The following TENM2 variants were observed in gnomAD, a reference collection of about 807,000 sequenced individuals.
The protein encoded by TENM2 is teneurin transmembrane protein 2.
In TENM2, 52 loss-of-function variants were observed where a neutral mutation model predicts 245.2. That is an observed-to-expected ratio of 0.21 (90% CI 0.17 to 0.27). TENM2 has a LOEUF of 0.27. Among genes scored for constraint, TENM2 ranks in the 10% least tolerant of loss-of-function variants. The probability of loss-of-function intolerance (pLI) is 1.00; values close to 1 mark genes in which losing one functional copy is unlikely to be tolerated. For synonymous variants in TENM2, 1,363 were observed against 1,438.9 expected (o/e 0.95, Z 1.19); for missense variants, 3,046 against 3,666.8 (o/e 0.83, Z 4.37).
intron 3 of TENM2, among the ~76,000 whole-genome samples, chr5:167,907,418 A>G (rs974656927): frequency 1.3e-5 from 2 of 150,356 alleles, no homozygotes; most frequent in African/African-American, 4.9e-5. Context: ...GGTCACTAAT[A>G]ACACTAACTG....
the TENM2 span, among the ~76,000 whole-genome samples, chr5:167,051,433 G>GGA: frequency 6.7e-6 from 1 of 149,524 alleles, no homozygotes; most frequent in Non-Finnish European, 1.5e-5. Context: ...TGAATTGGGA[G>GGA]AAAAAAAAAA....
the TENM2 span, among the ~76,000 whole-genome samples, chr5:167,024,214 C>A: frequency 1.3e-5 from 2 of 152,100 alleles, no homozygotes; most frequent in African/African-American, 4.8e-5. Flanking sequence ...TAGTCTTCAG[C>A]CCTAAAACTA....
the TENM2 span, among the ~76,000 whole-genome samples, chr5:167,238,884 A>T: frequency 6.6e-6 from 1 of 152,166 alleles, no homozygotes; most frequent in African/African-American, 2.4e-5. Flanking sequence ...AAAATAAGAA[A>T]CATAAGCTAT....
chr5:167,800,516 A>G (rs1345905526), intron 2 of TENM2, among the ~76,000 whole-genome samples: 4 of 152,220 alleles, frequency 2.6e-5, no homozygotes, highest in Non-Finnish European at 5.9e-5. Context: ...TTACCCTGCC[A>G]TACCAAAAGC....
intron 2 of TENM2, among the ~76,000 whole-genome samples, chr5:167,689,755 C>CT (rs1031373816): frequency 1.6e-4 from 24 of 151,860 alleles, no homozygotes; most frequent in African/African-American, 5.6e-4. Flanking sequence ...TTCATCTGTT[C>CT]TTTTTTTTCT....
intron 2 of TENM2, among the ~76,000 whole-genome samples, chr5:167,815,079 C>T (rs1170589216): frequency 6.6e-6 from 1 of 152,178 alleles, no homozygotes; most frequent in East Asian, 1.9e-4. Flanking sequence ...CTCTGACACA[C>T]AGTTCTCTGT....
chr5:168,051,997 C>T (rs1174091407), intron 6 of TENM2, among the ~76,000 whole-genome samples: 2 of 151,722 alleles, frequency 1.3e-5, no homozygotes, highest in Non-Finnish European at 2.9e-5. Flanking sequence ...CAGTGGCTCA[C>T]GCCTGTAATC....
At chr5:168,191,664 A>G (rs562509871) in intron 14 of TENM2, among the ~76,000 whole-genome samples, 2 of 152,074 alleles carry the variant, frequency 1.3e-5, no homozygotes, top group African/African-American at 4.8e-5. Flanking sequence ...TCATTCAGGT[A>G]GGCCCAGGAG....
At chr5:168,098,211 G>C in intron 9 of TENM2, 84 bp downstream of exon 11, 1 of 929,924 alleles carries the variant, frequency 1.1e-6, no homozygotes, top group East Asian at 2.6e-5. Context: ...GGACATCCAA[G>C]TAGCCTTCCC....
intron 2 of TENM2, among the ~76,000 whole-genome samples, chr5:167,482,778 C>T (rs1767836424): frequency 1.3e-5 from 2 of 152,218 alleles, no homozygotes; most frequent in African/African-American, 4.8e-5. Context: ...GAACCTCTCT[C>T]ATAGGGCAAC....
intron 3 of TENM2, among the ~76,000 whole-genome samples, chr5:167,944,630 A>C (rs1779463581): frequency 1.3e-5 from 2 of 152,364 alleles, no homozygotes; most frequent in Non-Finnish European, 2.9e-5. Context: ...TGGCACATCC[A>C]TAGGAACAGA....
intron 3 of TENM2, chr5:167,952,347 T>C (rs1780176579): frequency 3.4e-6 from 2 of 585,518 alleles, no homozygotes; most frequent in Non-Finnish European, 6.1e-6. Flanking sequence ...CACCTGGTTT[T>C]GCTAAATTAG....
chr5:167,300,879 G>A (rs779482679), intron 1 of TENM2, among the ~76,000 whole-genome samples: 1 of 152,134 alleles, frequency 6.6e-6, no homozygotes, highest in Non-Finnish European at 1.5e-5. Context: ...AGGGAACTGG[G>A]CAGGTGGAGA....
intron 2 of TENM2, among the ~76,000 whole-genome samples, chr5:167,832,073 T>C (rs929038240): frequency 6.6e-6 from 1 of 152,222 alleles, no homozygotes; most frequent in African/African-American, 2.4e-5. Flanking sequence ...AAATAATGGC[T>C]TTCTAAACTG....
At chr5:167,175,855 G>A in the TENM2 span, among the ~76,000 whole-genome samples, 21 of 152,228 alleles carry the variant, frequency 1.4e-4, no homozygotes, top group East Asian at 3.9e-4. Context: ...GATTACAGGC[G>A]CGTGCCGTGA....
intron 2 of TENM2, among the ~76,000 whole-genome samples, chr5:167,514,086 T>C (rs1264187613): frequency 6.6e-6 from 1 of 152,222 alleles, no homozygotes; most frequent in Non-Finnish European, 1.5e-5. Flanking sequence ...TTGTTCCTGC[T>C]CTCTTCAACT....
At chr5:167,885,751 T>C (rs1774233202) in intron 3 of TENM2, among the ~76,000 whole-genome samples, 1 of 152,238 alleles carries the variant, frequency 6.6e-6, no homozygotes, top group Non-Finnish European at 1.5e-5. Context: ...TGGCATGGTC[T>C]TGGCTCACTG....
chr5:167,837,116 T>G (rs1428429957), intron 2 of TENM2, among the ~76,000 whole-genome samples: 1 of 151,872 alleles, frequency 6.6e-6, no homozygotes, highest in African/African-American at 2.4e-5. Flanking sequence ...ATCTGGATAG[T>G]GTTTTATAAT....
At chr5:168,125,307 A>G (rs191187283) in intron 11 of TENM2, among the ~76,000 whole-genome samples, 1 of 152,296 alleles carries the variant, frequency 6.6e-6, no homozygotes, top group African/African-American at 2.4e-5. Flanking sequence ...CATTTGCATT[A>G]TAGGTTTTCT....
Sources: gnomAD v4.1 joint callset for allele counts (sites outside exome capture counted in the v4.1 genomes callset) on GRCh38, gnomAD v4.1.1 for gene constraint, MANE v1.5 for transcripts, NCBI Gene and HGNC (gene_info 2026-07-23, HGNC 2026-07-21) for gene names.